PIK3C2G: variants seen among roughly 807,000 people sequenced by gnomAD.
PIK3C2G encodes phosphatidylinositol-4-phosphate 3-kinase catalytic subunit type 2 gamma.
PIK3C2G carries 168 observed loss-of-function variants against 181.1 expected under a neutral mutation model. The observed-to-expected ratio is 0.93, with a 90% CI of 0.82 to 1.05. PIK3C2G has a LOEUF of 1.05. PIK3C2G is among the 50% of genes least tolerant of loss of function. The pLI, the probability that PIK3C2G is intolerant of heterozygous loss-of-function variation, is 0.00. For synonymous variants in PIK3C2G, 573 were observed against 592.2 expected, an observed-to-expected ratio of 0.97 and a Z score of 0.47; for missense variants, 1,869 against 1,732.8, an observed-to-expected ratio of 1.08 and a Z score of -1.40.
At chr12:18,562,023 T>C (rs1373349855) in intron 26 of PIK3C2G, among the ~76,000 whole-genome samples, 6 of 152,098 alleles carry the variant, frequency 3.9e-5, no homozygotes, top group Admixed American at 3.9e-4. Flanking sequence ...GAATAGCTAC[T>C]AGGCTTCTTG....
At chr12:18,559,866 A>G (rs1001426779) in intron 26 of PIK3C2G, among the ~76,000 whole-genome samples, 53 of 124,112 alleles carry the variant, frequency 4.3e-4, no homozygotes, top group Non-Finnish European at 7.3e-4. Context: ...AGAGAGAGAG[A>G]CAGTTTTGCT....
chr12:18,696,322 C>CTATATATATATATCATATATA, the PIK3C2G span: 5 of 253,072 alleles, frequency 2.0e-5, no homozygotes, highest in African/African-American at 3.1e-4. Flanking sequence ...TAAAAAGCCA[C>CTATATATATATATCATATATA]TATATATATA....
intron 4 of PIK3C2G, among the ~76,000 whole-genome samples, chr12:18,292,834 T>A (rs184205180): frequency 9.2e-5 from 14 of 152,222 alleles, no homozygotes; most frequent in African/African-American, 3.4e-4. Flanking sequence ...GGATTTGGAG[T>A]CTGACAGATC....
At chr12:18,471,046 G>A (rs539921920) in intron 18 of PIK3C2G, among the ~76,000 whole-genome samples, 11 of 151,930 alleles carry the variant, frequency 7.2e-5, no homozygotes, top group African/African-American at 2.4e-4. Context: ...CCTAAGCATC[G>A]AATCAGACTT....
intron 31 of PIK3C2G, among the ~76,000 whole-genome samples, chr12:18,636,901 C>A (rs1435984228): frequency 6.6e-6 from 1 of 152,202 alleles, no homozygotes; most frequent in Non-Finnish European, 1.5e-5. Flanking sequence ...ATAGCCCTCA[C>A]TTCACAGGTC....
intron 1 of PIK3C2G, among the ~76,000 whole-genome samples, chr12:18,256,412 C>G (rs1018819983): frequency 1.3e-5 from 2 of 152,120 alleles, no homozygotes; most frequent in African/African-American, 4.8e-5. Flanking sequence ...ACATTCTGCT[C>G]TCCTTCGGTT....
At chr12:18,263,681 T>A (rs1948350861) in intron 1 of PIK3C2G, among the ~76,000 whole-genome samples, 1 of 152,200 alleles carries the variant, frequency 6.6e-6, no homozygotes, top group South Asian at 2.1e-4. Flanking sequence ...GTTCGTTTTG[T>A]CTTTTCAATG....
At chr12:18,493,732 CT>C (rs1247225382) in intron 20 of PIK3C2G, 2 of 152,216 alleles carry the variant, frequency 1.3e-5, no homozygotes, top group Non-Finnish European at 2.9e-5. Context: ...CATTCTATCA[CT>C]ATCAGTCAAC....
intron 32 of PIK3C2G, among the ~76,000 whole-genome samples, chr12:18,645,906 T>C (rs1446675892): frequency 6.6e-6 from 1 of 152,180 alleles, no homozygotes; most frequent in Non-Finnish European, 1.5e-5. Flanking sequence ...AGTCACACTT[T>C]GAGGGTTCCT....
At chr12:18,670,386 G>A in the PIK3C2G span, among the ~76,000 whole-genome samples, 2 of 152,042 alleles carry the variant, frequency 1.3e-5, no homozygotes, top group African/African-American at 2.4e-5. Flanking sequence ...CAGAGAGCTA[G>A]AACATAGATA....
chr12:18,705,166 C>T, the PIK3C2G span: 2 of 1,613,746 alleles, frequency 1.2e-6, no homozygotes, highest in Admixed American at 1.7e-5. Context: ...AAAATGTTAC[C>T]TCTGGTGATG....
intron 28 of PIK3C2G, among the ~76,000 whole-genome samples, chr12:18,565,758 C>T (rs1034212712): frequency 3.9e-5 from 6 of 152,134 alleles, no homozygotes; most frequent in Admixed American, 2.0e-4. Context: ...TGTTTTAGTA[C>T]ATATATCTAT....
chr12:18,481,277 A>G (rs914190496), intron 18 of PIK3C2G, among the ~76,000 whole-genome samples: 5 of 152,058 alleles, frequency 3.3e-5, no homozygotes, highest in Admixed American at 6.6e-5. Context: ...TTAATCACCA[A>G]TTTGGGGGCT....
chr12:18,696,330 A>ATATATATATATATATG, the PIK3C2G span: 3 of 54,062 alleles, frequency 5.5e-5, no homozygotes, highest in South Asian at 2.1e-3. Flanking sequence ...CACTATATAT[A>ATATATATATATATATG]TATATATATA....
the PIK3C2G span, chr12:18,713,619 T>C: frequency 1.3e-5 from 2 of 152,484 alleles, no homozygotes; most frequent in African/African-American, 4.8e-5. Flanking sequence ...CCATCTCTAA[T>C]TTTAATCCAA....
At chr12:18,290,068 A>C (rs958141319) in intron 3 of PIK3C2G, among the ~76,000 whole-genome samples, 2 of 152,176 alleles carry the variant, frequency 1.3e-5, no homozygotes, top group Non-Finnish European at 2.9e-5. Flanking sequence ...TAAATCTTTT[A>C]CATGTCTTTT....
At chr12:18,365,182 T>G (rs905093296) in intron 12 of PIK3C2G, among the ~76,000 whole-genome samples, 1 of 152,166 alleles carries the variant, frequency 6.6e-6, no homozygotes, top group African/African-American at 2.4e-5. Flanking sequence ...AGCTGATGGT[T>G]TTACTGTGAC....
intron 6 of PIK3C2G, among the ~76,000 whole-genome samples, chr12:18,315,380 A>G (rs1040624569): frequency 3.7e-4 from 57 of 152,186 alleles, no homozygotes; most frequent in African/African-American, 1.4e-3. Context: ...AAGATTCTTC[A>G]AATTGCCCTC....
At chr12:18,723,468 T>C in the PIK3C2G span, 2 of 1,613,114 alleles carry the variant, frequency 1.2e-6, no homozygotes, top group Non-Finnish European at 1.7e-6. Context: ...TAATTTCTTC[T>C]CTGTGCGTGA....
Sources: gnomAD v4.1 joint callset for allele counts (sites outside exome capture counted in the v4.1 genomes callset) on GRCh38, gnomAD v4.1.1 for gene constraint, MANE v1.5 for transcripts, NCBI Gene and HGNC (gene_info 2026-07-23, HGNC 2026-07-21) for gene names.